Variants in GSE1 observed in about 807,000 individuals in gnomAD.
The protein encoded by GSE1 is genetic suppressor element 1.
A neutral mutation model predicts 112.6 loss-of-function variants in GSE1; 32 were observed. That is an observed-to-expected ratio of 0.28 (90% CI 0.21 to 0.38). The LOEUF (loss-of-function observed/expected upper bound fraction) is 0.38, where lower values mean the gene tolerates loss of function less well. GSE1 is among the 10% of genes least tolerant of loss of function. The probability of loss-of-function intolerance (pLI) is 1.00; values close to 1 mark genes in which losing one functional copy is unlikely to be tolerated. For synonymous variants in GSE1, 1,115 were observed against 735.6 expected, an observed-to-expected ratio of 1.52 and a Z score of -8.35; for missense variants, 2,348 against 1,699.2, an observed-to-expected ratio of 1.38 and a Z score of -6.71.
At chr16:85,576,758 G>C (rs2151365014) in intron 1 of GSE1, among the ~76,000 whole-genome samples, 1 of 152,306 alleles carries the variant, frequency 6.6e-6, no homozygotes, top group African/African-American at 2.4e-5. Flanking sequence ...TGCAAATCTG[G>C]GTTCCAGGCT....
intron 2 of GSE1, among the ~76,000 whole-genome samples, chr16:85,466,662 C>A (rs2050129840): frequency 1.3e-5 from 2 of 150,184 alleles, no homozygotes; most frequent in Admixed American, 6.6e-5. Flanking sequence ...GCAGAGTTTC[C>A]AGGTTTGCAA....
rs1171530978 is a variant in GSE1, at chr16:85,459,403, C to T, written c.2464+101760C>T. On this transcript the variant is annotated intron_variant, in intron 2 of 2. Transcript: ENST00000637419. Reference sequence around the variant, plus strand: ...TAGAGTGACTTTGGGTTTCAGCTCCCGCTTGCCATTTCCTCCAGGAGCTCT... The same window carrying T: ...TAGAGTGACTTTGGGTTTCAGCTCCTGCTTGCCATTTCCTCCAGGAGCTCT... 3.3e-5 allele frequency among the ~76,000 whole-genome samples: 5 copies of T among 152,212 alleles called. No homozygotes were observed. In the East Asian group the frequency reaches 7.7e-4, roughly 23 times the overall value.
intron 2 of GSE1, among the ~76,000 whole-genome samples, chr16:85,535,527 C>T (rs2044295429): frequency 6.6e-6 from 1 of 152,216 alleles, no homozygotes; most frequent in Non-Finnish European, 1.5e-5. Context: ...GGTTGGCCTC[C>T]TTATCTGGGC....
chr16:85,170,117 A>C (rs898345408), exon 1 of GSE1: 33 of 985,168 alleles, frequency 3.3e-5, no homozygotes, highest in Middle Eastern at 1.0e-3. Flanking sequence ...CCCCACCAGG[A>C]CGGGGCCCCA....
intron 2 of GSE1, among the ~76,000 whole-genome samples, chr16:85,431,586 G>T (rs1280188384): frequency 3.3e-5 from 5 of 152,298 alleles, no homozygotes; most frequent in Non-Finnish European, 7.3e-5. Flanking sequence ...GGTGGTGGCC[G>T]TGGCAGCCTC....
At position 85,663,275 on chromosome 16, in the gene GSE1, G is replaced by A. The variant is rs1195960612; in HGVS notation, c.2374-69G>A. ...CCACACTTCGAGGACCCCAGGAGGG[G>A]ACCCCGGGACAGTGCAAGCATACCA... On this transcript the variant is annotated intron_variant, in intron 10 of 15. Coordinates refer to ENST00000253458, the MANE Select transcript of GSE1 (RefSeq NM_014615.5). 6.5e-6 allele frequency: 10 copies of A among 1,545,030 alleles called. No individual in the cohort carries two copies. The East Asian group carries it at 2.0e-4, about 31-fold the overall frequency.
chr16:85,320,255 G>A (rs1398046499), intron 1 of GSE1, among the ~76,000 whole-genome samples: 2 of 152,144 alleles, frequency 1.3e-5, no homozygotes, highest in East Asian at 1.9e-4. Context: ...GGGAGTGGGC[G>A]GCGCATGAGT....
At chr16:85,474,606 C>T (rs1214609446) in intron 2 of GSE1, among the ~76,000 whole-genome samples, 2 of 151,774 alleles carry the variant, frequency 1.3e-5, no homozygotes, top group African/African-American at 2.4e-5. Flanking sequence ...TGTCTCCTCC[C>T]CCAGTCCCCC....
chr16:85,329,935 T>TG (rs902320848), intron 1 of GSE1, among the ~76,000 whole-genome samples: 2 of 22,710 alleles, frequency 8.8e-5, no homozygotes, highest in East Asian at 1.0e-3. Context: ...AAGAGGCTGG[T>TG]GGGGGGGCAG....
At chr16:85,271,311 C>T (rs1282722261) in intron 1 of GSE1, among the ~76,000 whole-genome samples, 2 of 152,166 alleles carry the variant, frequency 1.3e-5, no homozygotes, top group Non-Finnish European at 2.9e-5. Flanking sequence ...CTCCCCTGCC[C>T]CTCTTCCCCG....
At chr16:85,600,552 C>T (rs945274985) in intron 1 of GSE1, among the ~76,000 whole-genome samples, 3 of 150,274 alleles carry the variant, frequency 2.0e-5, no homozygotes, top group Non-Finnish European at 4.4e-5. Context: ...ATTTGGGAGC[C>T]TTGTTAAAAA....
chr16:85,291,237 C>T (rs1257829280), intron 1 of GSE1, among the ~76,000 whole-genome samples: 1 of 152,206 alleles, frequency 6.6e-6, no homozygotes, highest in African/African-American at 2.4e-5. Flanking sequence ...GTCTCCTGAT[C>T]ACCTTGAGCC....
chr16:85,473,777 G>A (rs79591376), intron 2 of GSE1, among the ~76,000 whole-genome samples: 4,907 of 151,974 alleles, frequency 0.032, 260 homozygotes, highest in African/African-American at 0.11. Context: ...TTTGCGGGGC[G>A]GAGGGGGGGT....
In GSE1 at chr16:85,672,684, G is replaced by GA. The variant is rs1232274306; in HGVS notation, c.*151dup. The GA allele has an allele frequency of 1.2e-5, 6 of 518,836 alleles. No homozygotes were observed. Among genetic ancestry groups the GA allele is most frequent in the African/African-American group, 1.9e-5 (1 of 51,972 alleles). The allele number at this position is 518,836 out of a possible 1,614,324, so 32.1% of individuals were successfully genotyped here. ...ATGAAGCAAAGGATTCCAGGCTCCA[G>GA]AAAAAATGAATGAACTCACCTTGAC... On this transcript the variant is annotated 3_prime_UTR_variant, in exon 16 of 16. Transcript: ENST00000253458.
At chr16:85,301,662 C>T (rs919617033) in intron 1 of GSE1, among the ~76,000 whole-genome samples, 1 of 152,216 alleles carries the variant, frequency 6.6e-6, no homozygotes, top group African/African-American at 2.4e-5. Flanking sequence ...GGCTCTGTTG[C>T]CATCTGTGTT....
chr16:85,174,757 G>A (rs139484595), intron 1 of GSE1, among the ~76,000 whole-genome samples: 2 of 152,198 alleles, frequency 1.3e-5, no homozygotes, highest in African/African-American at 4.8e-5. Context: ...CATGGGCAGC[G>A]AAGGTGACAC....
intron 1 of GSE1, among the ~76,000 whole-genome samples, chr16:85,192,196 C>T (rs1268642892): frequency 6.6e-6 from 1 of 152,202 alleles, no homozygotes; most frequent in Non-Finnish European, 1.5e-5. Context: ...GTCTTTTTCA[C>T]CCAGGACATC....
intron 1 of GSE1, among the ~76,000 whole-genome samples, chr16:85,307,447 C>T (rs2045710219): frequency 6.6e-6 from 1 of 152,206 alleles, no homozygotes; most frequent in Non-Finnish European, 1.5e-5. Context: ...CAGCCGAAAG[C>T]TGCACTCACA....
At chr16:85,526,862 C>T (rs1292755599) in intron 2 of GSE1, among the ~76,000 whole-genome samples, 1 of 152,240 alleles carries the variant, frequency 6.6e-6, no homozygotes, top group Non-Finnish European at 1.5e-5. Flanking sequence ...CAGGGAGCTG[C>T]TAGTGTATAA....
Sources: allele counts gnomAD v4.1 joint callset (sites outside exome capture counted in the v4.1 genomes callset), GRCh38; gene constraint gnomAD v4.1.1; transcripts MANE v1.5; gene names NCBI Gene and HGNC (gene_info 2026-07-23, HGNC 2026-07-21).